Variants in CEMIP2 observed in about 807,000 individuals in gnomAD.
CEMIP2 encodes the protein cell migration inducing hyaluronidase 2.
A neutral mutation model predicts 146.9 loss-of-function variants in CEMIP2; 79 were observed. The ratio of observed to expected loss-of-function variants is 0.54; its 90% CI spans 0.45 to 0.65. CEMIP2 has a LOEUF of 0.65. Ranked by LOEUF, CEMIP2 falls within the 30% of genes least tolerant of loss-of-function variation. The probability of loss-of-function intolerance (pLI) is 0.00; values close to 1 mark genes in which losing one functional copy is unlikely to be tolerated. For missense variants in CEMIP2, 1,596 were observed against 1,696.2 expected (o/e 0.94, Z 1.04); for synonymous variants, 601 against 606.3 (o/e 0.99, Z 0.13).
In CEMIP2 at chr9:71,691,430, AT is replaced by A. The variant is rs1563992585; in HGVS notation, c.3697-1185del. 2.7e-4 allele frequency among the ~76,000 whole-genome samples: 41 copies of A among 151,020 alleles called. 2 individuals carry two copies. Among genetic ancestry groups the A allele is most frequent in the African/African-American group, 4.2e-4 (17 of 40,674 alleles). ...GAGACTCTGTCTCAGGAAAAAAAAAATAAATAAATAAAAAAGCCCTTTAGCT... is the reference window on the plus strand; with the variant it reads ...GAGACTCTGTCTCAGGAAAAAAAAAAAAATAAATAAAAAAGCCCTTTAGCT... On this transcript the variant is annotated intron_variant, in intron 21 of 23. Transcript: ENST00000377044.
chr9:71,719,934 T>C (rs1280739946), intron 12 of CEMIP2, among the ~76,000 whole-genome samples: 1 of 147,280 alleles, frequency 6.8e-6, no homozygotes, highest in Non-Finnish European at 1.5e-5. Flanking sequence ...TCAATATAAA[T>C]CAATCACGAC....
At chr9:71,759,053 T>C (rs1307482172) in intron 1 of CEMIP2, among the ~76,000 whole-genome samples, 2 of 152,180 alleles carry the variant, frequency 1.3e-5, no homozygotes, top group African/African-American at 4.8e-5. Flanking sequence ...ATTAAGCAGA[T>C]TATAGCCAGG....
chr9:71,730,671 A>G, intron 8 of CEMIP2, 34 bp downstream of exon 8: 3 of 1,602,646 alleles, frequency 1.9e-6, no homozygotes, highest in East Asian at 4.5e-5. Flanking sequence ...AACTATTTCA[A>G]TAATATGGGT....
intron 6 of CEMIP2, among the ~76,000 whole-genome samples, chr9:71,733,848 C>CTTTT (rs757541859): frequency 6.9e-6 from 1 of 145,514 alleles, no homozygotes; most frequent in Non-Finnish European, 1.5e-5. Flanking sequence ...TTTGTGTAGT[C>CTTTT]TTTTTTTTTT....
chr9:71,730,610 T>C, intron 8 of CEMIP2, 95 bp downstream of exon 8: 1 of 1,321,670 alleles, frequency 7.6e-7, no homozygotes, highest in Non-Finnish European at 1.0e-6. Context: ...GGCATGTGGC[T>C]AAACAGTTTA....
Position 71,694,175 on chromosome 9 carries a change from T to G in CEMIP2, c.3696+334A>C, listed in dbSNP as rs1159052521. On this transcript the variant is annotated intron_variant, in intron 21 of 23. Transcript: ENST00000377044. ...TCTCACTCTGTTGCACAGGCTGGAG[T>G]GCAGTGGCGCGATCTCAGCTCACTG... Among the ~76,000 whole-genome samples, 4 of 151,910 alleles carry G rather than the reference T, an allele frequency of 2.6e-5. No individual in the cohort carries two copies. The South Asian group carries it at 8.3e-4, about 32-fold the overall frequency.
intron 10 of CEMIP2, 34 bp from the exon 11 acceptor site, chr9:71,725,743 A>G (rs41308888): frequency 0.086 from 137,141 of 1,597,564 alleles, 6,998 homozygotes; most frequent in South Asian, 0.19. Context: ...TTAAAAGCCT[A>G]ATTTATACAG....
chr9:71,694,511 AAAT>A lies in CEMIP2; in HGVS notation c.3691_3693del (p.Ile1231del), dbSNP rs754019714. On this transcript the variant is annotated inframe_deletion, in exon 21 of 24. Transcript: ENST00000377044. The stretch of plus-strand genomic sequence containing the variant: ...AGACAACACCAGATGGTACTTACAG[AAAT>A]AACAGACGGGTCTCCACGCTGGGTT... The A allele has an allele frequency of 6.2e-7, 1 of 1,612,250 alleles. No homozygotes were observed. Among genetic ancestry groups the A allele is most frequent in the Non-Finnish European group, 8.5e-7 (1 of 1,178,580 alleles).
At position 71,704,715 on chromosome 9, in the gene CEMIP2, A is replaced by T; in HGVS notation, c.3074T>A (p.Ile1025Asn). Residue 1025 changes from isoleucine to asparagine, a missense_variant, in exon 18 of 24, where the codon ATT becomes AAT. Ile to Asn is a moderately radical substitution (Grantham distance 149). Transcript: ENST00000377044. ...CTGTGGAAAGGCAGCCTTCTGATTA[A>T]TACCTCGGAGCACCATAGGGTTGGA... ...YPSNPMVLRG[I>N]NQKAAFPQYQ... 2 of 1,614,202 alleles carry T rather than the reference A, an allele frequency of 1.2e-6. No homozygotes were observed. Among genetic ancestry groups the T allele is most frequent in the Non-Finnish European group, 1.7e-6 (2 of 1,180,020 alleles).
intron 4 of CEMIP2, 103 bp downstream of exon 4, chr9:71,744,915 T>C: frequency 7.8e-7 from 1 of 1,287,312 alleles, no homozygotes; most frequent in South Asian, 1.4e-5. Flanking sequence ...GTGGCCCTTC[T>C]GATGCCTGAG....
chr9:71,705,420 CA>C (rs1012700118), intron 17 of CEMIP2, among the ~76,000 whole-genome samples: 4 of 152,080 alleles, frequency 2.6e-5, no homozygotes, highest in African/African-American at 7.2e-5. Context: ...AAGCCATCCC[CA>C]AATGTATCCT....
chr9:71,690,147 G>T lies in CEMIP2; in HGVS notation c.3796C>A (p.Pro1266Thr). 6.2e-7 allele frequency: 1 copy of T among 1,614,170 alleles called. No individual in the cohort carries two copies. Among genetic ancestry groups the T allele is most frequent in the Admixed American group, 1.7e-5 (1 of 60,026 alleles). ...TCAATGCGACTGACATCAGCAAGAGGAAAAACCGTTTTTTCCGTCAAGCGG... is the reference window on the plus strand; with the variant it reads ...TCAATGCGACTGACATCAGCAAGAGTAAAAACCGTTTTTTCCGTCAAGCGG... The part of the protein sequence containing the change: ...PFRLTEKTVF[P>T]LADVSRIEEY... The change falls in exon 22 of 24, where the codon CCT becomes ACT. Residue 1266 changes from proline to threonine, a missense_variant. Coordinates refer to ENST00000377044, the MANE Select transcript of CEMIP2 (RefSeq NM_013390.3).
intron 5 of CEMIP2, among the ~76,000 whole-genome samples, chr9:71,739,421 A>G (rs1384255679): frequency 7.9e-6 from 1 of 126,198 alleles, no homozygotes; most frequent in African/African-American, 3.0e-5. Context: ...GTGGTACTGG[A>G]GACAGGACCA....
chr9:71,694,153 C>T (rs1311646725), intron 21 of CEMIP2, among the ~76,000 whole-genome samples: 1 of 151,694 alleles, frequency 6.6e-6, no homozygotes, highest in African/African-American at 2.4e-5. Flanking sequence ...GACAGAGTCT[C>T]ACTCTGTTGC....
In CEMIP2 at chr9:71,685,285, A is replaced by C. The variant is rs1301299808; in HGVS notation, c.4064T>G (p.Leu1355Trp). Residue 1355 changes from leucine to tryptophan, a missense_variant, in exon 24 of 24, where the codon TTG (leucine) becomes TGG (tryptophan). Leu to Trp is a moderately conservative substitution (Grantham distance 61). Coordinates refer to ENST00000377044, the MANE Select transcript of CEMIP2 (RefSeq NM_013390.3). ...GLGVLEQFIP[L>W]QLDEYGCPRA... ...GGGACAACCATATTCGTCCAGCTGC[A>C]AAGGTATGAATTGTTCAAGCACCCC... 2 of 1,613,836 alleles carry C rather than the reference A, an allele frequency of 1.2e-6. No homozygotes were observed. Among genetic ancestry groups the C allele is most frequent in the African/African-American group, 1.3e-5 (1 of 74,914 alleles).
At chr9:71,708,695 T>C (rs150819767) in intron 17 of CEMIP2, among the ~76,000 whole-genome samples, 1 of 152,300 alleles carries the variant, frequency 6.6e-6, no homozygotes, top group East Asian at 1.9e-4. Flanking sequence ...TCTCAATGTA[T>C]ATCATCTCCT....
Position 71,730,696 on chromosome 9 carries a change from G to A in CEMIP2, c.1773+9C>T, listed in dbSNP as rs575655644. 1 of 1,613,844 alleles carries A rather than the reference G, an allele frequency of 6.2e-7. No homozygotes were observed. The highest frequency in any genetic ancestry group is 1.1e-5 in the South Asian group (1 of 91,052). ...ATAATATGGGTTGACCTAATGCGAG[G>A]CTACTTACTAGCAAGCCATTTGTCC... On this transcript the variant is annotated intron_variant, in intron 8 of 23. Coordinates refer to ENST00000377044, the MANE Select transcript of CEMIP2 (RefSeq NM_013390.3).
chr9:71,694,500 G>T lies in CEMIP2; in HGVS notation c.3696+9C>A. 1 of 1,603,060 alleles carries T rather than the reference G, an allele frequency of 6.2e-7. No homozygotes were observed. Among genetic ancestry groups the T allele is most frequent in the South Asian group, 1.1e-5 (1 of 90,712 alleles). ...AGAACAGACTAAGACAACACCAGAT[G>T]GTACTTACAGAAATAACAGACGGGT... On this transcript the variant is annotated intron_variant, in intron 21 of 23. Coordinates refer to ENST00000377044, the MANE Select transcript of CEMIP2 (RefSeq NM_013390.3).
intron 6 of CEMIP2, 83 bp downstream of exon 6, chr9:71,734,723 T>G: frequency 7.7e-7 from 1 of 1,302,374 alleles, no homozygotes; most frequent in Non-Finnish European, 1.1e-6. Context: ...GTGATGGTAG[T>G]GACTGAGAGG....
Sources: gnomAD v4.1 joint callset for allele counts (sites outside exome capture counted in the v4.1 genomes callset) on GRCh38, gnomAD v4.1.1 for gene constraint, MANE v1.5 for transcripts, NCBI Gene and HGNC (gene_info 2026-07-23, HGNC 2026-07-21) for gene names.